The following PCDHGA11 variants were observed in gnomAD, a reference collection of about 807,000 sequenced individuals.
PCDHGA11 encodes protocadherin gamma-A11.
A neutral mutation model predicts 60.4 loss-of-function variants in PCDHGA11; 39 were observed. The ratio of observed to expected loss-of-function variants is 0.65; its 90% confidence interval spans 0.50 to 0.84. The LOEUF is 0.84. Ranked by LOEUF, PCDHGA11 falls within the 40% of genes least tolerant of loss-of-function variation. PCDHGA11 has a pLI of 0.00. For missense variants in PCDHGA11, 1,165 were observed against 1,197.7 expected (o/e 0.97, Z 0.40); for synonymous variants, 533 against 510.3 (o/e 1.04, Z -0.60).
chr5:141,434,194 G>A (rs913533813), intron 1 of PCDHGA11, among the ~76,000 whole-genome samples: 7 of 152,190 alleles, frequency 4.6e-5, no homozygotes, highest in African/African-American at 4.8e-5. Flanking sequence ...TAATTCCAAT[G>A]TACTTACTTC....
At chr5:141,503,116 A>G (rs1303445673) in intron 2 of PCDHGA11, among the ~76,000 whole-genome samples, 11 of 151,656 alleles carry the variant, frequency 7.3e-5, no homozygotes, top group Admixed American at 4.6e-4. Flanking sequence ...GCCTCTCTTC[A>G]TACCCTCTGG....
chr5:141,501,621 A>T (rs1348614977), intron 2 of PCDHGA11, among the ~76,000 whole-genome samples: 1 of 152,100 alleles, frequency 6.6e-6, no homozygotes, highest in Non-Finnish European at 1.5e-5. Context: ...ACTCTGGTAT[A>T]GTCTCTCAAC....
At position 141,470,884 on chromosome 5, in the gene PCDHGA11, G is replaced by T. The variant is rs2099243316; in HGVS notation, c.2434-23923G>T. 3.3e-5 allele frequency among the ~76,000 whole-genome samples: 5 copies of T among 151,648 alleles called. No individual in the cohort carries two copies. In the South Asian group the frequency reaches 1.0e-3, roughly 32 times the overall value. On this transcript the variant is annotated intron_variant, in intron 1 of 3. Coordinates refer to ENST00000398587, the MANE Select transcript of PCDHGA11 (RefSeq NM_018914.3). ...TTTGTTTGTTTGTTTTTTTGTTTTT[G>T]TTTTTGTTTTTTGTAGAGATGGGAC...
At chr5:141,461,302 T>A (rs1009664719) in intron 1 of PCDHGA11, among the ~76,000 whole-genome samples, 3 of 152,142 alleles carry the variant, frequency 2.0e-5, no homozygotes. Flanking sequence ...CAACATCTAT[T>A]GTTTTTTGAC....
At position 141,490,219 on chromosome 5, in the gene PCDHGA11, C is replaced by T. The variant is rs771985398; in HGVS notation, c.2434-4588C>T. 2.5e-5 allele frequency: 41 copies of T among 1,614,094 alleles called. No individual in the cohort carries two copies. The highest frequency in any genetic ancestry group is 3.3e-5 in the Non-Finnish European group (39 of 1,180,038). On this transcript the variant is annotated intron_variant, in intron 1 of 3. Coordinates refer to ENST00000398587, the MANE Select transcript of PCDHGA11 (RefSeq NM_018914.3). This position sits in a 1 kb window ranked among gnomAD's most constrained non-coding sequence, Gnocchi z 5.4. ...TCATGCAAGAGCCCGTGACCAGGGA[C>T]AGCCTGCCATGGAGGGCCACTGTGT... is the stretch of plus-strand genomic sequence containing the variant.
intron 2 of PCDHGA11, among the ~76,000 whole-genome samples, chr5:141,496,841 G>C (rs2099771828): frequency 6.6e-6 from 1 of 151,398 alleles, no homozygotes; most frequent in South Asian, 2.1e-4. Context: ...GAACTCATAG[G>C]CTTCCAGACC....
At chr5:141,495,270 G>A (rs1428903664) in intron 2 of PCDHGA11, among the ~76,000 whole-genome samples, 1 of 152,178 alleles carries the variant, frequency 6.6e-6, no homozygotes, top group African/African-American at 2.4e-5. Context: ...GCATTTGACC[G>A]GAGGAGGCGG....
At chr5:141,470,548 A>G (rs2099232978) in intron 1 of PCDHGA11, among the ~76,000 whole-genome samples, 1 of 152,182 alleles carries the variant, frequency 6.6e-6, no homozygotes, top group Non-Finnish European at 1.5e-5. Context: ...ATATTTATTG[A>G]GAGTTTCCTC....
At chr5:141,452,527 G>A (rs1164238830) in intron 1 of PCDHGA11, among the ~76,000 whole-genome samples, 1 of 152,156 alleles carries the variant, frequency 6.6e-6, no homozygotes, top group Non-Finnish European at 1.5e-5. Flanking sequence ...TCAAAATCGT[G>A]AGTTCATATT....
chr5:141,455,104 G>T (rs2098813087), intron 1 of PCDHGA11, among the ~76,000 whole-genome samples: 1 of 151,780 alleles, frequency 6.6e-6, no homozygotes, highest in Non-Finnish European at 1.5e-5. Flanking sequence ...GAGCCACTGC[G>T]CCCGGTGGGT....
At chr5:141,430,931 G>C (rs781580216) in intron 1 of PCDHGA11, 2 of 1,607,530 alleles carry the variant, frequency 1.2e-6, no homozygotes, top group Admixed American at 1.7e-5. Flanking sequence ...GGAGCCCCGG[G>C]AGCTCGCGGA....
chr5:141,482,885 A>G (rs1353686606), intron 1 of PCDHGA11, among the ~76,000 whole-genome samples: 2 of 152,202 alleles, frequency 1.3e-5, no homozygotes. Flanking sequence ...CAGCCTGGCC[A>G]ACATGGTGAA....
chr5:141,469,881 G>A (rs922510082), intron 1 of PCDHGA11, among the ~76,000 whole-genome samples: 11 of 152,056 alleles, frequency 7.2e-5, no homozygotes, highest in Admixed American at 3.3e-4. Context: ...CTGTAATCTC[G>A]GCACTTTGGG....
chr5:141,456,020 C>T (rs2098840631), intron 1 of PCDHGA11, among the ~76,000 whole-genome samples: 1 of 151,834 alleles, frequency 6.6e-6, no homozygotes, highest in South Asian at 2.1e-4. Flanking sequence ...GCCTCAGCCT[C>T]CCGAGTAGCT....
In PCDHGA11 at chr5:141,432,847, G is replaced by C. The variant is rs768265171; in HGVS notation, c.2433+9187G>C. ...ACCTCACTCTGTACCTGGTGGTAGC[G>C]GTGGCCGCGGTCTCCTGCGTCTTCC... On this transcript the variant is annotated intron_variant, in intron 1 of 3. Transcript: ENST00000398587. The surrounding 1 kb of genome is among the most constrained non-coding windows in gnomAD (Gnocchi z 6.0). The C allele has an allele frequency of 1.2e-6, 2 of 1,614,180 alleles. No homozygotes were observed. Among genetic ancestry groups the C allele is most frequent in the Admixed American group, 1.7e-5 (1 of 60,032 alleles).
Position 141,490,760 on chromosome 5 carries a change from T to G in PCDHGA11, c.2434-4047T>G. 1 of 1,614,070 alleles carries G rather than the reference T, an allele frequency of 6.2e-7. No individual in the cohort carries two copies. On this transcript the variant is annotated intron_variant, in intron 1 of 3. Coordinates refer to ENST00000398587, the MANE Select transcript of PCDHGA11 (RefSeq NM_018914.3). This position sits in a 1 kb window ranked among gnomAD's most constrained non-coding sequence, Gnocchi z 5.4. Reference sequence around the variant, plus strand: ...CAGGGAGCCCCAGCCTCCTCCTTTGTGTATGTCAACCCAGAGGATGGACGG... The same window carrying G: ...CAGGGAGCCCCAGCCTCCTCCTTTGGGTATGTCAACCCAGAGGATGGACGG...
At chr5:141,505,983 C>G (rs1235662535) in intron 3 of PCDHGA11, among the ~76,000 whole-genome samples, 1 of 152,148 alleles carries the variant, frequency 6.6e-6, no homozygotes, top group Non-Finnish European at 1.5e-5. Context: ...GAGAGAACAC[C>G]TCCTCTTTAT....
intron 1 of PCDHGA11, among the ~76,000 whole-genome samples, chr5:141,450,829 ATTT>A (rs373424450): frequency 7.4e-6 from 1 of 135,126 alleles, no homozygotes; most frequent in African/African-American, 2.7e-5. Flanking sequence ...TATTATTATT[ATTT>A]TTTTTTTTTT....
In PCDHGA11 at chr5:141,485,556, A is replaced by T; in HGVS notation, c.2434-9251A>T. On this transcript the variant is annotated intron_variant, in intron 1 of 3. Coordinates refer to ENST00000398587, the MANE Select transcript of PCDHGA11 (RefSeq NM_018914.3). This position sits in a 1 kb window ranked among gnomAD's most constrained non-coding sequence, Gnocchi z 5.7. ...GAGGTAGAGATCGTAGATGTGAATG[A>T]TCACGCCCCCCGTTTTCCGCGGCAG... is the stretch of plus-strand genomic sequence containing the variant. The T allele has an allele frequency of 6.2e-7, 1 of 1,613,664 alleles. No homozygotes were observed. Among genetic ancestry groups the T allele is most frequent in the Non-Finnish European group, 8.5e-7 (1 of 1,179,644 alleles).
Sources: gnomAD v4.1 joint callset for allele counts (sites outside exome capture counted in the v4.1 genomes callset) on GRCh38, gnomAD v4.1.1 for gene constraint, Gnocchi (gnomAD v3.1) non-coding constraint, MANE v1.5 for transcripts, NCBI Gene and HGNC (gene_info 2026-07-23, HGNC 2026-07-21) for gene names.